The following RNF157 variants were observed in gnomAD, a reference collection of about 807,000 sequenced individuals.
RNF157 encodes E3 ubiquitin ligase RNF157.
RNF157 carries 55 observed loss-of-function variants against 88.3 expected under a neutral mutation model. The ratio of observed to expected loss-of-function variants is 0.62; its 90% confidence interval spans 0.50 to 0.78. The LOEUF (loss-of-function observed/expected upper bound fraction) is 0.78, where lower values mean the gene tolerates loss of function less well. Among genes scored for constraint, RNF157 ranks in the 30% least tolerant of loss-of-function variants. The pLI, the probability that RNF157 is intolerant of heterozygous loss-of-function variation, is 0.00. For missense variants in RNF157, 788 were observed against 860.8 expected, an observed-to-expected ratio of 0.92 and a Z score of 1.06; for synonymous variants, 334 against 341.2, an observed-to-expected ratio of 0.98 and a Z score of 0.23.
Position 76,212,404 on chromosome 17 carries a change from T to G in RNF157, c.167A>C (p.Glu56Ala), listed in dbSNP as rs2069817308. The G allele has an allele frequency of 6.2e-7, 1 of 1,613,918 alleles. No individual in the cohort carries two copies. Among genetic ancestry groups the G allele is most frequent in the Non-Finnish European group, 8.5e-7 (1 of 1,179,922 alleles). ...STHPEGYLFG[E>A]NSDLNFLGNR... Reference sequence around the variant, plus strand: ...CCCCAGAAAGTTCAGATCGCTGTTCTCTCCAAACAGGTAACCTTCAGGATG... The same window carrying G: ...CCCCAGAAAGTTCAGATCGCTGTTCGCTCCAAACAGGTAACCTTCAGGATG... The change falls in exon 2 of 19, where the codon GAG becomes GCG. Residue 56 changes from glutamate to alanine, a missense_variant. By Grantham distance (107) the Glu-to-Ala change is moderately radical (BLOSUM62 -1). Coordinates refer to ENST00000269391, the MANE Select transcript of RNF157 (RefSeq NM_052916.3).
chr17:76,167,860 A>T, intron 3 of RNF157, 63 bp from the exon 4 acceptor site: 1 of 1,499,318 alleles, frequency 6.7e-7, no homozygotes, highest in Non-Finnish European at 9.1e-7. Flanking sequence ...TTTACCTTTA[A>T]AAAAATTAGC....
chr17:76,156,361 C>T (rs571180716), intron 13 of RNF157, 40 bp from the exon 14 acceptor site: 87 of 1,612,694 alleles, frequency 5.4e-5, no homozygotes, highest in East Asian at 2.7e-4. Flanking sequence ...ATGGAGCAAG[C>T]GCCAGTCACC....
rs188014851 is a variant in RNF157 at position 76,198,402 on chromosome 17, C to T, written c.207+13962G>A. On this transcript the variant is annotated intron_variant, in intron 2 of 18. Coordinates refer to ENST00000269391, the MANE Select transcript of RNF157 (RefSeq NM_052916.3). The stretch of plus-strand genomic sequence containing the variant: ...TGGACCACAGTAATTGATTCCAAAA[C>T]TGCCACAGAGATCTTTAGAGGAAAA... Among the ~76,000 whole-genome samples the T allele has an allele frequency of 4.6e-5, 7 of 152,310 alleles. No homozygotes were observed. The East Asian group carries it at 1.3e-3, about 29-fold the overall frequency.
chr17:76,179,549 T>C (rs530996568), intron 2 of RNF157, among the ~76,000 whole-genome samples: 2 of 152,058 alleles, frequency 1.3e-5, no homozygotes, highest in African/African-American at 4.8e-5. Flanking sequence ...AAAAATTAGC[T>C]GGGTGTGGTG....
At chr17:76,198,895 C>A (rs150078595) in intron 2 of RNF157, among the ~76,000 whole-genome samples, 14 of 152,224 alleles carry the variant, frequency 9.2e-5, no homozygotes, top group Non-Finnish European at 2.1e-4. Flanking sequence ...CCTGCTTATG[C>A]TGAATCACCT....
intron 13 of RNF157, chr17:76,156,643 C>T (rs2068769680): frequency 2.0e-6 from 1 of 500,320 alleles, no homozygotes; most frequent in Non-Finnish European, 2.6e-6. Flanking sequence ...CCAGGTTTCC[C>T]CAGGATTATG....
In RNF157 at chr17:76,145,362, G is replaced by A. The variant is rs1264437248; in HGVS notation, c.1922-9C>T. 1 of 1,606,846 alleles carries A rather than the reference G, an allele frequency of 6.2e-7. No homozygotes were observed. The highest frequency in any genetic ancestry group is 8.5e-7 in the Non-Finnish European group (1 of 1,174,548). On this transcript the variant is annotated splice_polypyrimidine_tract_variant and intron_variant, in intron 18 of 18. Coordinates refer to ENST00000269391, the MANE Select transcript of RNF157 (RefSeq NM_052916.3). Reference sequence around the variant, plus strand: ...ATCAGCCTGCCAGGCACCTGGGGAAGAGAAAATGAACATTACAGGAGCCAG... The same window carrying A: ...ATCAGCCTGCCAGGCACCTGGGGAAAAGAAAATGAACATTACAGGAGCCAG...
At chr17:76,202,751 C>T in intron 2 of RNF157, 1 of 155,834 alleles carries the variant, frequency 6.4e-6, no homozygotes, top group Non-Finnish European at 1.4e-5. Context: ...AAACAAGTCA[C>T]AACAATGATC....
At chr17:76,158,258 C>G in intron 13 of RNF157, 135 bp downstream of exon 13, 1 of 682,714 alleles carries the variant, frequency 1.5e-6, no homozygotes, top group Non-Finnish European at 2.7e-6. Flanking sequence ...CCAGTGAAAC[C>G]TTTGCCACTG....
At chr17:76,209,668 T>C (rs1031146910) in intron 2 of RNF157, among the ~76,000 whole-genome samples, 4 of 152,176 alleles carry the variant, frequency 2.6e-5, no homozygotes, top group Admixed American at 2.6e-4. Context: ...TAAAAATATA[T>C]AAACTATCTT....
intron 1 of RNF157, among the ~76,000 whole-genome samples, chr17:76,214,211 G>A (rs1341373790): frequency 1.3e-5 from 2 of 152,162 alleles, no homozygotes; most frequent in African/African-American, 4.8e-5. Context: ...AGTATCAGAA[G>A]TGAAATGAAT....
Position 76,176,025 on chromosome 17 carries a change from G to A in RNF157, c.208-2235C>T, listed in dbSNP as rs376647382. ...ACACATACACGCACAAGACAACAACGGCAAATCTGTTCAGGAGAAGCTTGT... is the reference window on the plus strand; with the variant it reads ...ACACATACACGCACAAGACAACAACAGCAAATCTGTTCAGGAGAAGCTTGT... On this transcript the variant is annotated intron_variant, in intron 2 of 18. Coordinates refer to ENST00000269391, the MANE Select transcript of RNF157 (RefSeq NM_052916.3). The surrounding 1 kb of genome is among the most constrained non-coding windows in gnomAD (Gnocchi z 4.2). 8.6e-5 allele frequency among the ~76,000 whole-genome samples: 13 copies of A among 152,030 alleles called. No individual in the cohort carries two copies. In the East Asian group the frequency reaches 1.3e-3, roughly 16 times the overall value.
At chr17:76,181,520 T>A (rs1021667067) in intron 2 of RNF157, among the ~76,000 whole-genome samples, 1 of 152,172 alleles carries the variant, frequency 6.6e-6, no homozygotes, top group South Asian at 2.1e-4. Context: ...ACAGCCACAA[T>A]GGATACGTCA....
chr17:76,225,991 T>G lies in RNF157; in HGVS notation c.89-13509A>C, dbSNP rs1440175078. 3 of 1,611,198 alleles carry G rather than the reference T, an allele frequency of 1.9e-6. No individual in the cohort carries two copies. In the African/African-American group the frequency reaches 4.0e-5, roughly 22 times the overall value. On this transcript the variant is annotated intron_variant, in intron 1 of 18. Transcript: ENST00000269391. ...TCTTATCCAGTTTCTCACCCTTTAC[T>G]TTTGCTGCTACCATCTTCTCTCCAG...
At chr17:76,198,243 G>T (rs974155913) in intron 2 of RNF157, among the ~76,000 whole-genome samples, 1 of 152,112 alleles carries the variant, frequency 6.6e-6, no homozygotes, top group African/African-American at 2.4e-5. Flanking sequence ...GAGGGTGTTG[G>T]AATACAAAGT....
intron 1 of RNF157, among the ~76,000 whole-genome samples, chr17:76,235,557 A>C (rs1425109665): frequency 6.6e-6 from 1 of 152,216 alleles, no homozygotes; most frequent in African/African-American, 2.4e-5. Flanking sequence ...ATACTCCTAA[A>C]GCTAGGAGAA....
At position 76,161,972 on chromosome 17, in the gene RNF157, C is replaced by A; in HGVS notation, c.823G>T (p.Ala275Ser). ...VAEDEVSDNS[A>S]ECVVCLSDVR... ...TCCGAGAGACACACCACACACTCGG[C>A]ACTGTTATCACTCACTTCGTCTTCA... The change falls in exon 10 of 19, where the codon GCC becomes TCC. Residue 275 changes from alanine (A) to serine (S), a missense_variant. By Grantham distance (99) the Ala-to-Ser change is moderately conservative. Transcript: ENST00000269391. The surrounding 1 kb of genome is among the most constrained non-coding windows in gnomAD (Gnocchi z 4.6). 6.2e-7 allele frequency: 1 copy of A among 1,614,146 alleles called. No homozygotes were observed. Among genetic ancestry groups the A allele is most frequent in the Non-Finnish European group, 8.5e-7 (1 of 1,180,000 alleles).
intron 1 of RNF157, among the ~76,000 whole-genome samples, chr17:76,231,239 C>T (rs971100418): frequency 1.3e-5 from 2 of 152,138 alleles, no homozygotes; most frequent in Non-Finnish European, 2.9e-5. Context: ...CCTCATGATC[C>T]GCCCGCCTCG....
chr17:76,203,729 A>T (rs1380336877), intron 2 of RNF157, among the ~76,000 whole-genome samples: 2 of 141,340 alleles, frequency 1.4e-5, no homozygotes, highest in African/African-American at 2.7e-5. Flanking sequence ...TGGGATTACA[A>T]GCATGACCCA....
Sources: allele counts gnomAD v4.1 joint callset (sites outside exome capture counted in the v4.1 genomes callset), GRCh38; gene constraint gnomAD v4.1.1; non-coding constraint Gnocchi (gnomAD v3.1); transcripts MANE v1.5; gene names NCBI Gene and HGNC (gene_info 2026-07-23, HGNC 2026-07-21).